Variants in SLC35F1 observed in about 807,000 individuals in gnomAD.
The protein encoded by SLC35F1 is chromosome 6 open reading frame 169.
SLC35F1 carries 14 observed loss-of-function variants against 48.7 expected under a neutral mutation model. The observed-to-expected ratio is 0.29, with a 90% confidence interval of 0.19 to 0.45. The LOEUF (loss-of-function observed/expected upper bound fraction) is 0.45. Ranked by LOEUF, SLC35F1 falls within the 20% of genes least tolerant of loss-of-function variation. SLC35F1 has a pLI of 1.00. For synonymous variants in SLC35F1, 190 were observed against 202.2 expected (o/e 0.94, Z 0.51); for missense variants, 404 against 500.0 (o/e 0.81, Z 1.83).
intron 1 of SLC35F1, among the ~76,000 whole-genome samples, chr6:118,138,101 A>T (rs1303913082): frequency 6.6e-6 from 1 of 151,978 alleles, no homozygotes; most frequent in African/African-American, 2.4e-5. Flanking sequence ...CTGAGGCAGG[A>T]GGTTCGAGAC....
At chr6:118,161,724 GATGCTTCATGGGAATT>G (rs1000338297) in intron 2 of SLC35F1, among the ~76,000 whole-genome samples, 11 of 152,206 alleles carry the variant, frequency 7.2e-5, no homozygotes, top group South Asian at 2.1e-4. Context: ...ATCTTTGGTA[GATGCTTCATGGGAATT>G]ATGCTTCATG....
At chr6:117,988,361 A>G (rs1352300624) in intron 1 of SLC35F1, among the ~76,000 whole-genome samples, 1 of 152,180 alleles carries the variant, frequency 6.6e-6, no homozygotes, top group African/African-American at 2.4e-5. Flanking sequence ...GGCTAATACA[A>G]TATCATAATT....
At chr6:118,200,193 T>TACAC (rs1774855930) in intron 2 of SLC35F1, among the ~76,000 whole-genome samples, 1 of 151,386 alleles carries the variant, frequency 6.6e-6, no homozygotes, top group African/African-American at 2.5e-5. Context: ...CATACATACA[T>TACAC]ACATACATAC....
intron 1 of SLC35F1, among the ~76,000 whole-genome samples, chr6:117,921,647 A>G (rs1775901001): frequency 6.6e-6 from 1 of 152,200 alleles, no homozygotes; most frequent in South Asian, 2.1e-4. Context: ...GGTGCTTGCT[A>G]GCACTAGTTT....
chr6:117,923,599 G>A (rs11967595), intron 1 of SLC35F1, among the ~76,000 whole-genome samples: 14,642 of 19,356 alleles, frequency 0.76, 6,521 homozygotes, highest in South Asian at 0.84. Flanking sequence ...ATACATATGT[G>A]TATATATACA....
At chr6:118,000,851 T>C (rs1777081832) in intron 1 of SLC35F1, among the ~76,000 whole-genome samples, 1 of 152,178 alleles carries the variant, frequency 6.6e-6, no homozygotes. Flanking sequence ...CATTCACAAT[T>C]GCTTCAAAGA....
At chr6:118,170,504 A>G (rs959784296) in intron 2 of SLC35F1, among the ~76,000 whole-genome samples, 3 of 152,246 alleles carry the variant, frequency 2.0e-5, no homozygotes, top group Admixed American at 1.3e-4. Flanking sequence ...CAGTGGTGCA[A>G]TTTGGACTCA....
At chr6:118,040,285 A>G (rs1388774696) in intron 1 of SLC35F1, among the ~76,000 whole-genome samples, 2 of 152,162 alleles carry the variant, frequency 1.3e-5, no homozygotes, top group Admixed American at 6.6e-5. Context: ...GGGCAAAGGT[A>G]CAAGAGGAAA....
intron 7 of SLC35F1, among the ~76,000 whole-genome samples, chr6:118,311,857 T>C (rs543948060): frequency 6.6e-6 from 1 of 152,290 alleles, no homozygotes; most frequent in Admixed American, 6.5e-5. Flanking sequence ...AATATATCAG[T>C]ATTACTATGA....
At chr6:118,261,871 C>T (rs922711562) in intron 3 of SLC35F1, among the ~76,000 whole-genome samples, 8 of 152,128 alleles carry the variant, frequency 5.3e-5, no homozygotes, top group African/African-American at 1.2e-4. Flanking sequence ...AGCAGTTGCC[C>T]GAAGCCCCTG....
chr6:118,119,425 C>A (rs933067), intron 1 of SLC35F1, among the ~76,000 whole-genome samples: 5,017 of 150,462 alleles, frequency 0.033, 207 homozygotes, highest in African/African-American at 0.088. Flanking sequence ...TCAGTCTTGA[C>A]AGTTTACCTA....
intron 1 of SLC35F1, among the ~76,000 whole-genome samples, chr6:117,941,358 T>C (rs1050974232): frequency 6.6e-6 from 1 of 152,204 alleles, no homozygotes; most frequent in African/African-American, 2.4e-5. Flanking sequence ...TCCTTCCACA[T>C]TGTGTACATT....
At chr6:117,991,921 T>A (rs902170558) in intron 1 of SLC35F1, among the ~76,000 whole-genome samples, 1 of 152,192 alleles carries the variant, frequency 6.6e-6, no homozygotes, top group Non-Finnish European at 1.5e-5. Flanking sequence ...ATACCAAAAT[T>A]TTTATAAGCT....
chr6:118,039,126 G>T (rs1246307627), intron 1 of SLC35F1, among the ~76,000 whole-genome samples: 4 of 152,088 alleles, frequency 2.6e-5, no homozygotes, highest in African/African-American at 9.7e-5. Context: ...AAGTTTTTGG[G>T]ATGTAGAATT....
At chr6:118,264,702 C>T (rs1775751240) in intron 3 of SLC35F1, among the ~76,000 whole-genome samples, 1 of 152,212 alleles carries the variant, frequency 6.6e-6, no homozygotes, top group African/African-American at 2.4e-5. Flanking sequence ...ATAATGAAAC[C>T]CTAATTCTGT....
chr6:118,042,349 G>A (rs537935226), intron 1 of SLC35F1, among the ~76,000 whole-genome samples: 1 of 152,178 alleles, frequency 6.6e-6, no homozygotes, highest in East Asian at 1.9e-4. Context: ...AATGAAGCAC[G>A]TTGGGTGGTG....
At chr6:118,019,107 T>G (rs1777359563) in intron 1 of SLC35F1, among the ~76,000 whole-genome samples, 1 of 152,120 alleles carries the variant, frequency 6.6e-6, no homozygotes, top group Admixed American at 6.5e-5. Flanking sequence ...AAATTTATAA[T>G]ATGATTTTCA....
Position 118,031,105 on chromosome 6 carries a change from A to G in SLC35F1, c.173+123206A>G, listed in dbSNP as rs1165293361. 2.6e-5 allele frequency among the ~76,000 whole-genome samples: 4 copies of G among 152,162 alleles called. No individual in the cohort carries two copies. In the East Asian group the frequency reaches 7.7e-4, roughly 29 times the overall value. ...TAGAATGATACATTTGTTAAAATCAATGTGAAATTTATTTTTTAATCAGAT... is the reference window on the plus strand; with the variant it reads ...TAGAATGATACATTTGTTAAAATCAGTGTGAAATTTATTTTTTAATCAGAT... On this transcript the variant is annotated intron_variant, in intron 1 of 7. Transcript: ENST00000360388.
At chr6:118,018,526 GTTA>G (rs200794555) in intron 1 of SLC35F1, among the ~76,000 whole-genome samples, 1,789 of 151,952 alleles carry the variant, frequency 0.012, 29 homozygotes, top group South Asian at 0.061. Context: ...CTTTGTTATT[GTTA>G]TTATTATTAT....
Sources: gnomAD v4.1 joint callset for allele counts (sites outside exome capture counted in the v4.1 genomes callset) on GRCh38, gnomAD v4.1.1 for gene constraint, MANE v1.5 for transcripts, NCBI Gene and HGNC (gene_info 2026-07-23, HGNC 2026-07-21) for gene names.